The following STK39 variants were observed in gnomAD, a reference collection of about 807,000 sequenced individuals.
The protein encoded by STK39 is serine/threonine kinase 39.
Under a neutral mutation model 77.8 loss-of-function variants are expected in STK39, and 20 were observed. The observed-to-expected ratio is 0.26, with a 90% CI of 0.18 to 0.37. The LOEUF (loss-of-function observed/expected upper bound fraction) is 0.37. Ranked by LOEUF, STK39 falls within the 10% of genes least tolerant of loss-of-function variation. The probability of loss-of-function intolerance (pLI) is 1.00; values close to 1 mark genes in which losing one functional copy is unlikely to be tolerated. For synonymous variants in STK39, 246 were observed against 234.1 expected, an observed-to-expected ratio of 1.05 and a Z score of -0.47; for missense variants, 479 against 656.5, an observed-to-expected ratio of 0.73 and a Z score of 2.95.
At chr2:167,987,500 TA>T (rs1683591264) in intron 16 of STK39, among the ~76,000 whole-genome samples, 1 of 152,102 alleles carries the variant, frequency 6.6e-6, no homozygotes, top group Admixed American at 6.6e-5. Flanking sequence ...TATATATATA[TA>T]ATACTTCTCT....
intron 10 of STK39, among the ~76,000 whole-genome samples, chr2:168,095,623 C>CT (rs567675524): frequency 0.54 from 62,729 of 115,394 alleles, 18,505 homozygotes; most frequent in East Asian, 0.73. Context: ...GTATCTCTTT[C>CT]TTTTTTTTTT....
chr2:168,139,505 T>C (rs1027074371), intron 7 of STK39, among the ~76,000 whole-genome samples: 3 of 151,936 alleles, frequency 2.0e-5, no homozygotes, highest in Non-Finnish European at 4.4e-5. Context: ...TTTTCTTCTT[T>C]AGTCTGAGTT....
At chr2:168,190,517 AT>A (rs1689313671) in intron 1 of STK39, among the ~76,000 whole-genome samples, 1 of 152,182 alleles carries the variant, frequency 6.6e-6, no homozygotes, top group Admixed American at 6.5e-5. Context: ...CCGAATTTCA[AT>A]TTTTAAAAAC....
At chr2:168,030,147 G>A (rs1300949394) in intron 14 of STK39, among the ~76,000 whole-genome samples, 1 of 152,188 alleles carries the variant, frequency 6.6e-6, no homozygotes, top group Non-Finnish European at 1.5e-5. Flanking sequence ...GGCTGAGGCA[G>A]GAGAATGGCA....
chr2:168,086,846 G>C (rs562560386), intron 10 of STK39, among the ~76,000 whole-genome samples: 2 of 152,316 alleles, frequency 1.3e-5, no homozygotes, highest in East Asian at 3.9e-4. Flanking sequence ...TGAGGAGGCA[G>C]CACAAAGCAC....
intron 10 of STK39, among the ~76,000 whole-genome samples, chr2:168,116,760 T>C (rs573210811): frequency 2.6e-5 from 4 of 152,302 alleles, no homozygotes; most frequent in African/African-American, 7.2e-5. Flanking sequence ...CCGTGATGCA[T>C]AAAAGTGCCA....
intron 16 of STK39, among the ~76,000 whole-genome samples, chr2:167,975,535 G>A (rs1683250331): frequency 6.6e-6 from 1 of 152,206 alleles, no homozygotes; most frequent in Non-Finnish European, 1.5e-5. Context: ...TGGACTGTAG[G>A]CCGGGCACGG....
intron 16 of STK39, among the ~76,000 whole-genome samples, chr2:167,991,331 C>G (rs1683695930): frequency 6.6e-6 from 1 of 151,724 alleles, no homozygotes; most frequent in Admixed American, 6.6e-5. Flanking sequence ...ATACCCAGCC[C>G]TGGGCAGCAC....
At chr2:168,183,746 G>C (rs566766288) in intron 1 of STK39, among the ~76,000 whole-genome samples, 1 of 152,258 alleles carries the variant, frequency 6.6e-6, no homozygotes, top group Non-Finnish European at 1.5e-5. Context: ...TCCATCAGCT[G>C]CTACCCCATT....
At chr2:167,964,562 AC>A (rs1298110735) in intron 17 of STK39, 99 bp downstream of exon 17, 1 of 1,131,526 alleles carries the variant, frequency 8.8e-7, no homozygotes, top group Admixed American at 2.3e-5. Context: ...GAAAACAACA[AC>A]AGCAAAATTA....
At chr2:168,171,413 T>C (rs906053088) in intron 2 of STK39, among the ~76,000 whole-genome samples, 7 of 148,380 alleles carry the variant, frequency 4.7e-5, no homozygotes, top group Admixed American at 1.4e-4. Flanking sequence ...CCTACAAATA[T>C]GAGGAGTTGG....
intron 5 of STK39, among the ~76,000 whole-genome samples, chr2:168,143,829 T>C (rs922585678): frequency 1.1e-4 from 16 of 152,292 alleles, no homozygotes; most frequent in African/African-American, 3.9e-4. Flanking sequence ...AGCTCCAGCC[T>C]ACTGAATGAC....
At chr2:168,211,010 T>C (rs1689877454) in intron 1 of STK39, among the ~76,000 whole-genome samples, 1 of 152,226 alleles carries the variant, frequency 6.6e-6, no homozygotes, top group African/African-American at 2.4e-5. Context: ...GTAGTCATTA[T>C]ATGGTTAAAA....
chr2:168,124,120 T>C (rs1687480081), intron 10 of STK39, among the ~76,000 whole-genome samples: 2 of 152,188 alleles, frequency 1.3e-5, no homozygotes, highest in African/African-American at 4.8e-5. Context: ...ACAGCAGCGA[T>C]GTGATACCCT....
intron 1 of STK39, among the ~76,000 whole-genome samples, chr2:168,225,189 A>G (rs565437820): frequency 1.3e-5 from 2 of 152,348 alleles, no homozygotes; most frequent in African/African-American, 4.8e-5. Flanking sequence ...CTTCCAGGGG[A>G]TATTAACAAA....
intron 10 of STK39, among the ~76,000 whole-genome samples, chr2:168,097,739 CAA>C (rs34477630): frequency 0.42 from 60,398 of 144,976 alleles, 12,326 homozygotes; most frequent in East Asian, 0.54. Flanking sequence ...GTCTCAAAAA[CAA>C]AAAAAAAAAA....
At chr2:168,045,873 C>T (rs1559071487) in intron 14 of STK39, among the ~76,000 whole-genome samples, 4 of 152,140 alleles carry the variant, frequency 2.6e-5, no homozygotes, top group Non-Finnish European at 4.4e-5. Flanking sequence ...TGACAGGGAA[C>T]CCTCACGAGT....
intron 4 of STK39, among the ~76,000 whole-genome samples, chr2:168,163,205 T>G (rs79168465): frequency 0.014 from 2,130 of 152,296 alleles, 49 homozygotes; most frequent in African/African-American, 0.049. Context: ...GATTTGACTA[T>G]GTAAAGAATT....
At chr2:168,167,258 A>G in intron 3 of STK39, 41 bp downstream of exon 3, 1 of 1,533,126 alleles carries the variant, frequency 6.5e-7, no homozygotes, top group Non-Finnish European at 9.0e-7. Flanking sequence ...ACAAAAGGAG[A>G]GAAAACAAGC....
Sources: allele counts gnomAD v4.1 joint callset (sites outside exome capture counted in the v4.1 genomes callset), GRCh38; gene constraint gnomAD v4.1.1; transcripts MANE v1.5; gene names NCBI Gene and HGNC (gene_info 2026-07-23, HGNC 2026-07-21).